The following FRMD6 variants were observed in gnomAD, a reference collection of about 807,000 sequenced individuals.
The protein encoded by FRMD6 is FERM domain containing 6.
FRMD6 carries 37 observed loss-of-function variants against 73.2 expected under a neutral mutation model. The observed-to-expected ratio is 0.51, with a 90% CI of 0.39 to 0.66. FRMD6 has a LOEUF of 0.66. Among genes scored for constraint, FRMD6 ranks in the 30% least tolerant of loss-of-function variants. The pLI is 0.00. For missense variants in FRMD6, 714 were observed against 780.5 expected, an observed-to-expected ratio of 0.91 and a Z score of 1.02; for synonymous variants, 273 against 282.2, an observed-to-expected ratio of 0.97 and a Z score of 0.33.
chr14:51,658,872 T>C (rs1893020283), intron 1 of FRMD6, among the ~76,000 whole-genome samples: 1 of 152,150 alleles, frequency 6.6e-6, no homozygotes. Context: ...ATTAAAAAGG[T>C]GAAGAGAAGT....
At chr14:51,430,336 C>G in the FRMD6 span, among the ~76,000 whole-genome samples, 1 of 152,134 alleles carries the variant, frequency 6.6e-6, no homozygotes, top group African/African-American at 2.4e-5. Context: ...TATAGTTGCT[C>G]ACTTCCTTCA....
chr14:51,702,963 T>G (rs1286044989), intron 5 of FRMD6, among the ~76,000 whole-genome samples: 1 of 152,032 alleles, frequency 6.6e-6, no homozygotes, highest in African/African-American at 2.4e-5. Context: ...ATTAAAAGAT[T>G]ATGTTCTTTT....
intron 2 of FRMD6, among the ~76,000 whole-genome samples, chr14:51,633,412 G>A (rs1891414063): frequency 6.6e-6 from 1 of 151,180 alleles, no homozygotes; most frequent in African/African-American, 2.4e-5. Context: ...GACCAGCCTG[G>A]GCAGCATGGT....
intron 1 of FRMD6, among the ~76,000 whole-genome samples, chr14:51,680,481 T>C (rs776626874): frequency 2.6e-5 from 4 of 152,220 alleles, no homozygotes; most frequent in Admixed American, 6.5e-5. Flanking sequence ...ATAAACTGTC[T>C]AAGGGCTAAA....
At chr14:51,538,960 G>T (rs537022216) in intron 1 of FRMD6, among the ~76,000 whole-genome samples, 1 of 152,118 alleles carries the variant, frequency 6.6e-6, no homozygotes, top group South Asian at 2.1e-4. Context: ...GGAGTTTTGC[G>T]TTCTTGGATG....
At chr14:51,556,646 T>C (rs1322484518) in intron 1 of FRMD6, among the ~76,000 whole-genome samples, 2 of 152,272 alleles carry the variant, frequency 1.3e-5, no homozygotes, top group African/African-American at 2.4e-5. Flanking sequence ...CCAAAGGAGA[T>C]TTAGTCCGTT....
chr14:51,448,090 T>C, the FRMD6 span, among the ~76,000 whole-genome samples: 1 of 152,240 alleles, frequency 6.6e-6, no homozygotes, highest in Non-Finnish European at 1.5e-5. Flanking sequence ...AGTCTCACCA[T>C]GATGGATTGT....
At chr14:51,604,657 C>T (rs1890174855) in intron 2 of FRMD6, among the ~76,000 whole-genome samples, 1 of 152,102 alleles carries the variant, frequency 6.6e-6, no homozygotes, top group African/African-American at 2.4e-5. Flanking sequence ...ATTTCTTCCA[C>T]CAGATGCCAA....
intron 1 of FRMD6, among the ~76,000 whole-genome samples, chr14:51,688,116 G>GT (rs533998794): frequency 0.019 from 2,762 of 145,336 alleles, 32 homozygotes; most frequent in South Asian, 0.029. Context: ...AAGCATGCGT[G>GT]TTTTTTTTTT....
At chr14:51,522,661 G>A (rs1885015518) in intron 1 of FRMD6, among the ~76,000 whole-genome samples, 2 of 152,178 alleles carry the variant, frequency 1.3e-5, no homozygotes, top group South Asian at 4.1e-4. Flanking sequence ...ATTTGCACAA[G>A]TGTCCCTTTT....
chr14:51,605,985 T>TA (rs1447709386), intron 2 of FRMD6, among the ~76,000 whole-genome samples: 1 of 152,208 alleles, frequency 6.6e-6, no homozygotes, highest in Non-Finnish European at 1.5e-5. Flanking sequence ...ATTGGTGTCT[T>TA]AATTGAAAAT....
the FRMD6 span, among the ~76,000 whole-genome samples, chr14:51,408,592 C>A: frequency 6.6e-6 from 1 of 152,064 alleles, no homozygotes. Context: ...TAGTCTCTTC[C>A]CTTTTACTCA....
chr14:51,576,901 C>A (rs1007064917), intron 2 of FRMD6, among the ~76,000 whole-genome samples: 3 of 152,178 alleles, frequency 2.0e-5, no homozygotes, highest in African/African-American at 4.8e-5. Flanking sequence ...TTGAGCCTCT[C>A]CTGTCTGATC....
At chr14:51,636,969 AT>A (rs1437986944) in intron 2 of FRMD6, among the ~76,000 whole-genome samples, 1 of 152,236 alleles carries the variant, frequency 6.6e-6, no homozygotes, top group Non-Finnish European at 1.5e-5. Context: ...CATGCCTGTA[AT>A]CCCAGCACTT....
At chr14:51,601,282 G>A (rs191747688) in intron 2 of FRMD6, among the ~76,000 whole-genome samples, 2 of 152,108 alleles carry the variant, frequency 1.3e-5, no homozygotes, top group African/African-American at 2.4e-5. Context: ...TTAGTTTCCC[G>A]AGACCACCTT....
chr14:51,602,900 A>T (rs1282950533), intron 2 of FRMD6, among the ~76,000 whole-genome samples: 3 of 152,230 alleles, frequency 2.0e-5, no homozygotes, highest in African/African-American at 7.2e-5. Context: ...TGGTGAAATT[A>T]TGGTATAGCT....
intron 11 of FRMD6, among the ~76,000 whole-genome samples, chr14:51,721,347 C>T (rs554832463): frequency 6.6e-6 from 1 of 152,238 alleles, no homozygotes; most frequent in African/African-American, 2.4e-5. Context: ...CATGGTGGCT[C>T]ACACTTGTAA....
At chr14:51,507,083 G>GAC (rs200052672) in intron 1 of FRMD6, among the ~76,000 whole-genome samples, 7,899 of 138,892 alleles carry the variant, frequency 0.057, 305 homozygotes, top group East Asian at 0.075. Context: ...TGGTTGTATA[G>GAC]ACACACACAC....
chr14:51,416,070 T>C, the FRMD6 span, among the ~76,000 whole-genome samples: 1 of 152,248 alleles, frequency 6.6e-6, no homozygotes, highest in South Asian at 2.1e-4. Flanking sequence ...TTGCTAGTAA[T>C]CTATCAATTT....
Sources: allele counts gnomAD v4.1 joint callset (sites outside exome capture counted in the v4.1 genomes callset), GRCh38; gene constraint gnomAD v4.1.1; transcripts MANE v1.5; gene names NCBI Gene and HGNC (gene_info 2026-07-23, HGNC 2026-07-21).